The following UBAC2 variants were observed in gnomAD, a reference collection of about 807,000 sequenced individuals.
UBAC2 encodes ubiquitin-associated domain-containing protein 2.
UBAC2 carries 26 observed loss-of-function variants against 44.0 expected under a neutral mutation model. The observed-to-expected ratio is 0.59, with a 90% CI of 0.43 to 0.82. The LOEUF is 0.82. Among genes scored for constraint, UBAC2 ranks in the 40% least tolerant of loss-of-function variants. UBAC2 has a pLI of 0.00. For synonymous variants in UBAC2, 155 were observed against 154.3 expected, an observed-to-expected ratio of 1.00 and a Z score of -0.04; for missense variants, 329 against 419.4, an observed-to-expected ratio of 0.78 and a Z score of 1.88.
chr13:99,223,676 G>T (rs1190834112), intron 1 of UBAC2, among the ~76,000 whole-genome samples: 3 of 145,864 alleles, frequency 2.1e-5, no homozygotes, highest in Non-Finnish European at 4.5e-5. Flanking sequence ...CACAAATTTT[G>T]CTTGGTTGTG....
chr13:99,208,118 C>T (rs960341846), intron 1 of UBAC2, among the ~76,000 whole-genome samples: 1 of 151,884 alleles, frequency 6.6e-6, no homozygotes, highest in Admixed American at 6.6e-5. Flanking sequence ...CTGCCTCAGC[C>T]CCCCAAGTAG....
chr13:99,341,478 C>G (rs1329909097), intron 7 of UBAC2, among the ~76,000 whole-genome samples: 1 of 152,048 alleles, frequency 6.6e-6, no homozygotes, highest in Non-Finnish European at 1.5e-5. Context: ...AATAGAGAAG[C>G]AAAAGTTGTT....
At chr13:99,374,711 C>T (rs554080399) in intron 8 of UBAC2, among the ~76,000 whole-genome samples, 9 of 152,300 alleles carry the variant, frequency 5.9e-5, no homozygotes, top group African/African-American at 2.2e-4. Flanking sequence ...GGTTTTGAGA[C>T]ACATCTCGTG....
At chr13:99,242,865 C>T (rs575444780) in intron 2 of UBAC2, among the ~76,000 whole-genome samples, 1 of 149,590 alleles carries the variant, frequency 6.7e-6, no homozygotes, top group Non-Finnish European at 1.5e-5. Context: ...CTCCTCACCT[C>T]CCAGACGGGG....
chr13:99,278,194 T>G (rs1201571281), intron 4 of UBAC2, among the ~76,000 whole-genome samples: 2 of 152,228 alleles, frequency 1.3e-5, no homozygotes, highest in Non-Finnish European at 2.9e-5. Flanking sequence ...AAGAATCCAT[T>G]ATAGGTATTT....
At chr13:99,275,109 C>T (rs2043865987) in intron 4 of UBAC2, among the ~76,000 whole-genome samples, 1 of 152,152 alleles carries the variant, frequency 6.6e-6, no homozygotes, top group Non-Finnish European at 1.5e-5. Flanking sequence ...ATAGTGTATA[C>T]ATATGTTTAG....
At chr13:99,260,498 C>T (rs2043644198) in intron 4 of UBAC2, among the ~76,000 whole-genome samples, 1 of 152,156 alleles carries the variant, frequency 6.6e-6, no homozygotes, top group African/African-American at 2.4e-5. Context: ...GAGACTTAGG[C>T]AAGGGCCTGA....
chr13:99,341,591 G>A (rs1425623381), intron 7 of UBAC2, among the ~76,000 whole-genome samples: 1 of 152,154 alleles, frequency 6.6e-6, no homozygotes, highest in African/African-American at 2.4e-5. Flanking sequence ...TGGAAATGTG[G>A]AAGCTACATA....
intron 4 of UBAC2, among the ~76,000 whole-genome samples, chr13:99,297,083 T>G (rs528027534): frequency 1.2e-4 from 19 of 152,320 alleles, no homozygotes; most frequent in African/African-American, 4.6e-4. Context: ...AATGCATAAT[T>G]TGCTTAGCTA....
chr13:99,217,355 A>T (rs1031862748), intron 1 of UBAC2, among the ~76,000 whole-genome samples: 2 of 152,056 alleles, frequency 1.3e-5, no homozygotes, highest in African/African-American at 4.8e-5. Context: ...GGCTCATCAG[A>T]GCTTTAAAAA....
chr13:99,352,245 G>A (rs1294419037), intron 7 of UBAC2, among the ~76,000 whole-genome samples: 9 of 152,096 alleles, frequency 5.9e-5, no homozygotes, highest in African/African-American at 1.4e-4. Flanking sequence ...TGTACAGTTC[G>A]GTGGTTTTTA....
intron 1 of UBAC2, among the ~76,000 whole-genome samples, chr13:99,214,458 A>G (rs2042968976): frequency 6.6e-6 from 1 of 152,072 alleles, no homozygotes; most frequent in African/African-American, 2.4e-5. Flanking sequence ...TGCAAGGAAT[A>G]TGAATAGGCT....
intron 1 of UBAC2, among the ~76,000 whole-genome samples, chr13:99,205,199 G>GC (rs1451318967): frequency 6.6e-6 from 1 of 152,262 alleles, no homozygotes; most frequent in East Asian, 1.9e-4. Flanking sequence ...ACTGTGCCCG[G>GC]TTGGGGGAGT....
rs1169391213 is a variant in UBAC2 at position 99,241,305 on chromosome 13, T to G, written c.160-2527T>G. 2.7e-5 allele frequency among the ~76,000 whole-genome samples: 4 copies of G among 149,974 alleles called. No homozygotes were observed. The East Asian group carries it at 5.8e-4, about 22-fold the overall frequency. On this transcript the variant is annotated intron_variant, in intron 2 of 8. Transcript: ENST00000403766. ...AAAAGAAAAGAGTTACTATTACCAA[T>G]GTTCGCAGCAGCATTATTCACAATA...
chr13:99,338,047 C>CTTATTTTTTTT (rs2044820855), intron 6 of UBAC2, among the ~76,000 whole-genome samples: 1 of 48,852 alleles, frequency 2.0e-5, no homozygotes, highest in Non-Finnish European at 4.0e-5. Flanking sequence ...TTCTTTTTTT[C>CTTATTTTTTTT]TTTTTTTTTT....
intron 7 of UBAC2, among the ~76,000 whole-genome samples, chr13:99,366,293 G>A (rs1360993097): frequency 6.6e-6 from 1 of 152,076 alleles, no homozygotes; most frequent in Non-Finnish European, 1.5e-5. Context: ...TGTGTGTTTT[G>A]TGTGCCGACT....
At chr13:99,380,416 G>GT (rs1328273047) in intron 8 of UBAC2, among the ~76,000 whole-genome samples, 2 of 152,192 alleles carry the variant, frequency 1.3e-5, no homozygotes, top group Non-Finnish European at 2.9e-5. Flanking sequence ...AGCCACAGCA[G>GT]TAATTGTTAG....
chr13:99,251,378 G>A (rs1038390292), intron 4 of UBAC2, among the ~76,000 whole-genome samples: 2 of 152,156 alleles, frequency 1.3e-5, no homozygotes, highest in African/African-American at 4.8e-5. Context: ...CTCTTGCCTA[G>A]TTGCTCTGGC....
chr13:99,232,399 G>GAGAGATATATATATATATATATATATAT (rs1367302629), intron 1 of UBAC2, among the ~76,000 whole-genome samples: 2 of 109,968 alleles, frequency 1.8e-5, no homozygotes, highest in Non-Finnish European at 4.2e-5. Flanking sequence ...TTAGTTGAGA[G>GAGAGATATATATATATATATATATATAT]ATATAGATAT....
Sources: allele counts gnomAD v4.1 joint callset (sites outside exome capture counted in the v4.1 genomes callset), GRCh38; gene constraint gnomAD v4.1.1; transcripts MANE v1.5; gene names NCBI Gene and HGNC (gene_info 2026-07-23, HGNC 2026-07-21).